The following CTBP2 variants were observed in gnomAD, a reference collection of about 807,000 sequenced individuals.
CTBP2 encodes C-terminal-binding protein 2.
In CTBP2, 30 loss-of-function variants were observed where a neutral mutation model predicts 80.3. The ratio of observed to expected loss-of-function variants is 0.37; its 90% CI spans 0.28 to 0.51. The LOEUF is 0.51. CTBP2 is among the 20% of genes least tolerant of loss of function. CTBP2 has a pLI of 0.93. For synonymous variants in CTBP2, 594 were observed against 587.4 expected, an observed-to-expected ratio of 1.01 and a Z score of -0.16; for missense variants, 1,212 against 1,375.3, an observed-to-expected ratio of 0.88 and a Z score of 1.88.
chr10:125,092,082 ATAACT>A (rs1256733866), intron 2 of CTBP2, among the ~76,000 whole-genome samples: 1 of 151,896 alleles, frequency 6.6e-6, no homozygotes, highest in Non-Finnish European at 1.5e-5. Context: ...AAGTAACACC[ATAACT>A]AAAATCTTGG....
chr10:125,094,544 A>G (rs775342215), intron 2 of CTBP2, among the ~76,000 whole-genome samples: 10 of 152,212 alleles, frequency 6.6e-5, no homozygotes, highest in Non-Finnish European at 1.5e-4. Flanking sequence ...GCTCAAGTAC[A>G]GTGTGACAAG....
At chr10:124,991,320 C>A (rs200708980) in intron 8 of CTBP2, among the ~76,000 whole-genome samples, 1 of 152,170 alleles carries the variant, frequency 6.6e-6, no homozygotes, top group African/African-American at 2.4e-5. Flanking sequence ...CATTAGGGTC[C>A]CTTCCTCAGT....
intron 1 of CTBP2, chr10:125,005,764 G>C (rs1322111172): frequency 6.2e-7 from 1 of 1,612,790 alleles, no homozygotes; most frequent in Non-Finnish European, 8.5e-7. Flanking sequence ...CCCTACTTGA[G>C]GTCTGAGCGC....
In CTBP2 at chr10:125,027,500, G is replaced by A; in HGVS notation, c.260C>T (p.Pro87Leu). The stretch of plus-strand genomic sequence containing the variant: ...TCTGCTGTCGTAGAAGGTGAAGTCA[G>A]GAGTAGACCCCTTTCTTGCAGCCAC... The change falls in exon 1 of 9, where the codon CCT becomes CTT. Residue 87 changes from proline to leucine, a missense_variant. By Grantham distance (98) the Pro-to-Leu change is moderately conservative. Transcript: ENST00000309035. 6.2e-7 allele frequency: 1 copy of A among 1,614,136 alleles called. No homozygotes were observed. The highest frequency in any genetic ancestry group is 2.2e-5 in the East Asian group (1 of 44,862).
intron 2 of CTBP2, among the ~76,000 whole-genome samples, chr10:125,062,855 T>G (rs1231866107): frequency 4.6e-5 from 7 of 152,104 alleles, no homozygotes; most frequent in Non-Finnish European, 8.8e-5. Context: ...CGAGACTCTA[T>G]CTCAAAAAAA....
chr10:125,060,242 G>A (rs979398712), intron 2 of CTBP2, among the ~76,000 whole-genome samples: 9 of 12,060 alleles, frequency 7.5e-4, no homozygotes, highest in Non-Finnish European at 1.0e-3. Flanking sequence ...AAGGGAATCC[G>A]CAGAGGAAAA....
intron 1 of CTBP2, among the ~76,000 whole-genome samples, chr10:125,005,355 G>A (rs951016510): frequency 2.6e-5 from 4 of 152,152 alleles, no homozygotes; most frequent in Non-Finnish European, 5.9e-5. Flanking sequence ...GCCCTGAGCG[G>A]CAGCTGCACC....
At chr10:125,005,419 C>G in intron 1 of CTBP2, 1 of 909,084 alleles carries the variant, frequency 1.1e-6, no homozygotes, top group Non-Finnish European at 1.7e-6. Context: ...GCTGCTGCCC[C>G]GACACCCAGG....
chr10:125,103,866 C>T (rs868281150), intron 2 of CTBP2, among the ~76,000 whole-genome samples: 1 of 152,268 alleles, frequency 6.6e-6, no homozygotes, highest in Middle Eastern at 3.4e-3. Context: ...CTCCTGTAAG[C>T]ACCCTCCCAC....
intron 1 of CTBP2, among the ~76,000 whole-genome samples, chr10:125,012,539 T>TC (rs1223333128): frequency 6.6e-6 from 1 of 151,906 alleles, no homozygotes; most frequent in Non-Finnish European, 1.5e-5. Context: ...GGGTTCTCAC[T>TC]CCCCCACCTG....
intron 1 of CTBP2, among the ~76,000 whole-genome samples, chr10:125,116,129 G>A (rs1010055007): frequency 6.6e-6 from 1 of 152,166 alleles, no homozygotes; most frequent in Non-Finnish European, 1.5e-5. Context: ...GGACTCAGGA[G>A]GGGCCACCGA....
chr10:125,146,655 C>T (rs1858833217), intron 1 of CTBP2, among the ~76,000 whole-genome samples: 1 of 152,152 alleles, frequency 6.6e-6, no homozygotes, highest in Admixed American at 6.5e-5. Context: ...CCAGCCCACT[C>T]TGAAGGTGAC....
At chr10:125,089,764 A>C (rs1848501387) in intron 2 of CTBP2, among the ~76,000 whole-genome samples, 1 of 152,222 alleles carries the variant, frequency 6.6e-6, no homozygotes, top group African/African-American at 2.4e-5. Context: ...GCAGGGACTT[A>C]ATAAATGTCT....
rs947189198 is a variant in CTBP2, at chr10:124,997,863, GCTC to G, written c.2185+98_2185+100del. 5.2e-5 allele frequency: 67 copies of G among 1,286,058 alleles called. No homozygotes were observed. The African/African-American group carries it at 8.8e-4, about 17-fold the overall frequency. 79.7% of individuals were successfully genotyped at this position (1,286,058 alleles called of 1,614,324 possible). On this transcript the variant is annotated intron_variant, in intron 4 of 8. Coordinates refer to ENST00000309035, the MANE Select transcript of CTBP2 (RefSeq NM_022802.3). Reference sequence around the variant, plus strand: ...GAGGGTGCTGGCCCTGCCTGCCCTGGCTCCTCAAGAGCAGGCTGGGGTTGCCTT... The same window carrying G: ...GAGGGTGCTGGCCCTGCCTGCCCTGGCTCAAGAGCAGGCTGGGGTTGCCTT...
Position 124,984,695 on chromosome 10 carries a change from G to GT in CTBP2, c.*4822dup. ...CTTTTCATGAGTTAGCATACCAGCT[G>GT]TAGGTTTCCATGTCACATTCCTACC... On this transcript the variant is annotated 3_prime_UTR_variant, in exon 9 of 9. Coordinates refer to ENST00000309035, the MANE Select transcript of CTBP2 (RefSeq NM_022802.3). 1 of 1,434,784 alleles carries GT rather than the reference G, an allele frequency of 7.0e-7. No individual in the cohort carries two copies. The highest frequency in any genetic ancestry group is 1.9e-5 in the Admixed American group (1 of 51,346). The allele number at this position is 1,434,784 out of a possible 1,614,324, so 88.9% of individuals were successfully genotyped here. A position where few individuals can be genotyped will look rare whatever the true frequency, so the allele number is the denominator to read the frequency against.
At position 124,993,908 on chromosome 10, in the gene CTBP2, C is replaced by T. The variant is rs1953077387; in HGVS notation, c.2478G>A (p.Lys826=). The T allele has an allele frequency of 6.2e-7, 1 of 1,614,060 alleles. No individual in the cohort carries two copies. The highest frequency in any genetic ancestry group is 8.5e-7 in the Non-Finnish European group (1 of 1,180,030). ...GGGCTGCCCCTCGTATCCTGCCCTCCTTGAGGGCTTGTGCTAAGGCTTTCT... is the reference window on the plus strand; with the variant it reads ...GGGCTGCCCCTCGTATCCTGCCCTCTTTGAGGGCTTGTGCTAAGGCTTTCT... Residue 826 remains lysine, a synonymous_variant, in exon 6 of 9, where the codon AAG becomes AAA. Transcript: ENST00000309035.
intron 1 of CTBP2, chr10:125,005,549 G>T: frequency 6.2e-7 from 1 of 1,609,458 alleles, no homozygotes. Flanking sequence ...GTCCTCACCA[G>T]CCCACGACCT....
At chr10:125,136,202 C>A (rs553336993) in intron 1 of CTBP2, among the ~76,000 whole-genome samples, 1 of 152,174 alleles carries the variant, frequency 6.6e-6, no homozygotes, top group Non-Finnish European at 1.5e-5. Flanking sequence ...AGGCAGGGGG[C>A]GGCCTCCTAG....
chr10:125,141,539 CT>C (rs1305718478), intron 1 of CTBP2, among the ~76,000 whole-genome samples: 1 of 152,132 alleles, frequency 6.6e-6, no homozygotes, highest in East Asian at 1.9e-4. Context: ...AAATGGGGAC[CT>C]GAGGGCGCTC....
Sources: gnomAD v4.1 joint callset for allele counts (sites outside exome capture counted in the v4.1 genomes callset) on GRCh38, gnomAD v4.1.1 for gene constraint, MANE v1.5 for transcripts, NCBI Gene and HGNC (gene_info 2026-07-23, HGNC 2026-07-21) for gene names.